The following EBF1 variants were observed in gnomAD, a reference collection of about 807,000 sequenced individuals.
EBF1 encodes transcription factor COE1.
EBF1 carries 10 observed loss-of-function variants against 68.4 expected under a neutral mutation model. The observed-to-expected ratio is 0.15, with a 90% CI of 0.09 to 0.25. The LOEUF is 0.25. Among genes scored for constraint, EBF1 ranks in the 10% least tolerant of loss-of-function variants. The pLI is 1.00. For missense variants in EBF1, 509 were observed against 794.4 expected, an observed-to-expected ratio of 0.64 and a Z score of 4.32; for synonymous variants, 298 against 299.8, an observed-to-expected ratio of 0.99 and a Z score of 0.06.
intron 6 of EBF1, among the ~76,000 whole-genome samples, chr5:158,909,510 G>A (rs1805427636): frequency 6.6e-6 from 1 of 152,150 alleles, no homozygotes; most frequent in Admixed American, 6.5e-5. Flanking sequence ...TAATTAAGGG[G>A]AATCAAAACT....
intron 6 of EBF1, among the ~76,000 whole-genome samples, chr5:159,043,466 T>C (rs1365384457): frequency 6.6e-6 from 1 of 152,228 alleles, no homozygotes; most frequent in Non-Finnish European, 1.5e-5. Context: ...CTGTAAAGTC[T>C]ATGCAAAGTC....
intron 6 of EBF1, among the ~76,000 whole-genome samples, chr5:158,850,245 C>T (rs994080571): frequency 6.6e-6 from 1 of 152,180 alleles, no homozygotes; most frequent in African/African-American, 2.4e-5. Flanking sequence ...TGTTGAAACC[C>T]TTAGTTAAAA....
chr5:158,828,228 G>A (rs1379421184), intron 7 of EBF1, among the ~76,000 whole-genome samples: 4 of 152,170 alleles, frequency 2.6e-5, no homozygotes, highest in East Asian at 1.9e-4. Context: ...ATTATGTTGA[G>A]GGTAAAAAGC....
intron 6 of EBF1, among the ~76,000 whole-genome samples, chr5:158,920,763 A>G (rs77695390): frequency 0.029 from 4,396 of 151,452 alleles, 87 homozygotes; most frequent in East Asian, 0.1. Flanking sequence ...TTTAACAGGA[A>G]CTCTTGTGAG....
At chr5:159,089,809 A>T (rs546854527) in intron 4 of EBF1, among the ~76,000 whole-genome samples, 1 of 151,816 alleles carries the variant, frequency 6.6e-6, no homozygotes, top group Non-Finnish European at 1.5e-5. Context: ...AGAAAGAAAG[A>T]AAGAAGGAAA....
intron 11 of EBF1, among the ~76,000 whole-genome samples, chr5:158,716,708 G>T (rs189140075): frequency 2.6e-5 from 4 of 152,282 alleles, no homozygotes; most frequent in Admixed American, 2.0e-4. Context: ...TTGGATTTCG[G>T]TGACCAGAAA....
intron 14 of EBF1, among the ~76,000 whole-genome samples, chr5:158,710,910 G>T (rs753202015): frequency 1.3e-5 from 2 of 152,106 alleles, no homozygotes; most frequent in East Asian, 1.9e-4. Flanking sequence ...AGAGTCACTC[G>T]CAATGTCCAA....
intron 8 of EBF1, among the ~76,000 whole-genome samples, chr5:158,808,711 T>C (rs1046264991): frequency 2.6e-5 from 4 of 152,016 alleles, no homozygotes; most frequent in South Asian, 2.1e-4. Flanking sequence ...AATTGTGAGA[T>C]GATGACGAAG....
intron 10 of EBF1, among the ~76,000 whole-genome samples, chr5:158,737,266 ATTTTTTTTTTTTTTTTTTTT>A (rs61380054): frequency 1.4e-4 from 8 of 55,602 alleles, no homozygotes; most frequent in Non-Finnish European, 1.8e-4. Flanking sequence ...ACATGCCCTG[ATTTTTTTTTTTTTTTTTTTT>A]TTTTTTTTTT....
chr5:158,736,303 AT>A lies in EBF1; in HGVS notation c.1037-5147del, dbSNP rs374283362. Among the ~76,000 whole-genome samples, 298 of 152,340 alleles carry A rather than the reference AT, an allele frequency of 2.0e-3. 4 individuals carry two copies. Among genetic ancestry groups the A allele is most frequent in the African/African-American group, 7.0e-3 (290 of 41,574 alleles). The stretch of plus-strand genomic sequence containing the variant: ...ATACTTATTCCTGGAAACGATGGAA[AT>A]GAGAGGCTGCAGAGTTCTGTTCAGA... On this transcript the variant is annotated intron_variant, in intron 10 of 15. Transcript: ENST00000313708.
intron 5 of EBF1, among the ~76,000 whole-genome samples, chr5:159,076,272 A>T (rs1456472746): frequency 6.6e-6 from 1 of 152,198 alleles, no homozygotes; most frequent in African/African-American, 2.4e-5. Context: ...TTATGAATGA[A>T]TGTTATGTAT....
chr5:158,965,436 GATTA>G (rs1310009821), intron 6 of EBF1, among the ~76,000 whole-genome samples: 1 of 152,208 alleles, frequency 6.6e-6, no homozygotes, highest in Non-Finnish European at 1.5e-5. Flanking sequence ...TTCCTAGGAA[GATTA>G]ATATCATGCA....
chr5:159,076,831 TGTACATACATACATATGA>T (rs1297677617), intron 5 of EBF1, among the ~76,000 whole-genome samples: 1 of 152,226 alleles, frequency 6.6e-6, no homozygotes, highest in East Asian at 1.9e-4. Flanking sequence ...TACATATGTG[TGTACATACATACATATGA>T]GTGTACATAT....
At chr5:158,851,069 CA>C (rs1479060542) in intron 6 of EBF1, among the ~76,000 whole-genome samples, 1 of 151,934 alleles carries the variant, frequency 6.6e-6, no homozygotes, top group African/African-American at 2.4e-5. Flanking sequence ...CTTATCCCAG[CA>C]CAAGCTGCAG....
rs113618881 is a variant in EBF1, at chr5:158,870,907, A to G, written c.555-30797T>C. ...GATAGAGAGAAGTCTTGATGAAACA[A>G]GATAGCTGTTTCCAAATATTTGAAC... On this transcript the variant is annotated intron_variant, in intron 6 of 15. Transcript: ENST00000313708. 6.8e-3 allele frequency among the ~76,000 whole-genome samples: 1,030 copies of G among 152,340 alleles called. 12 individuals carry two copies. Among genetic ancestry groups the G allele is most frequent in the African/African-American group, 0.023 (977 of 41,582 alleles).
chr5:159,035,986 G>A (rs1308381665), intron 6 of EBF1, among the ~76,000 whole-genome samples: 1 of 152,134 alleles, frequency 6.6e-6, no homozygotes, highest in East Asian at 1.9e-4. Context: ...CAGTGGTGGG[G>A]GACATGAAAC....
chr5:158,777,344 G>A (rs1775501135), intron 10 of EBF1, 69 bp downstream of exon 10: 1 of 1,443,174 alleles, frequency 6.9e-7, no homozygotes, highest in Non-Finnish European at 9.2e-7. Flanking sequence ...CTTTTATACA[G>A]ACAAGATAAG....
intron 6 of EBF1, among the ~76,000 whole-genome samples, chr5:159,033,387 A>G (rs1480154053): frequency 6.6e-6 from 1 of 152,194 alleles, no homozygotes; most frequent in Non-Finnish European, 1.5e-5. Flanking sequence ...TTTCCCTTTC[A>G]TTGAAGAGAG....
chr5:159,033,602 A>G (rs1769399572), intron 6 of EBF1, among the ~76,000 whole-genome samples: 1 of 152,236 alleles, frequency 6.6e-6, no homozygotes, highest in Non-Finnish European at 1.5e-5. Context: ...GAACATAATT[A>G]GATTTGAATG....
Sources: gnomAD v4.1 joint callset for allele counts (sites outside exome capture counted in the v4.1 genomes callset) on GRCh38, gnomAD v4.1.1 for gene constraint, MANE v1.5 for transcripts, NCBI Gene and HGNC (gene_info 2026-07-23, HGNC 2026-07-21) for gene names.